OPRM1: variants seen among roughly 807,000 people sequenced by gnomAD.
OPRM1 encodes the protein mu-type opioid receptor.
Under a neutral mutation model 31.8 loss-of-function variants are expected in OPRM1, and 27 were observed. The ratio of observed to expected loss-of-function variants is 0.85; its 90% CI spans 0.63 to 1.17. The LOEUF (loss-of-function observed/expected upper bound fraction) is 1.17. OPRM1 is among the 50% of genes most tolerant of loss of function. The pLI is 0.00. For synonymous variants in OPRM1, 196 were observed against 189.9 expected, an observed-to-expected ratio of 1.03 and a Z score of -0.26; for missense variants, 536 against 511.1, an observed-to-expected ratio of 1.05 and a Z score of -0.47.
At chr6:154,105,388 G>A (rs955634946) in intron 3 of OPRM1, among the ~76,000 whole-genome samples, 9 of 152,208 alleles carry the variant, frequency 5.9e-5, no homozygotes, top group Admixed American at 5.9e-4. Context: ...ACTGAATTTA[G>A]TTAACTCCTG....
intron 3 of OPRM1, among the ~76,000 whole-genome samples, chr6:154,138,757 C>T (rs1798125425): frequency 6.6e-6 from 1 of 152,222 alleles, no homozygotes; most frequent in Non-Finnish European, 1.5e-5. Flanking sequence ...CTCCTTCTTG[C>T]CTGGGTACTA....
At chr6:154,205,369 T>A (rs1364396117) in intron 3 of OPRM1, among the ~76,000 whole-genome samples, 1 of 151,996 alleles carries the variant, frequency 6.6e-6, no homozygotes, top group Non-Finnish European at 1.5e-5. Context: ...CCAAAACAGG[T>A]GGATCACTTG....
chr6:154,164,729 G>A (rs1186002468), intron 3 of OPRM1, among the ~76,000 whole-genome samples: 1 of 152,202 alleles, frequency 6.6e-6, no homozygotes, highest in African/African-American at 2.4e-5. Context: ...CACCGCTCTT[G>A]TGACATAGGT....
chr6:154,037,559 G>GA (rs1206735944), upstream of OPRM1, among the ~76,000 whole-genome samples: 13 of 152,130 alleles, frequency 8.5e-5, no homozygotes, highest in African/African-American at 3.1e-4. Context: ...AAAGGACTCA[G>GA]AACTACATCT....
At chr6:154,167,942 C>T (rs1799568935) in intron 3 of OPRM1, 2 of 1,597,174 alleles carry the variant, frequency 1.3e-6, no homozygotes, top group African/African-American at 1.3e-5. Flanking sequence ...ATTCAATGTT[C>T]GGATTTTGTG....
chr6:154,115,159 G>A (rs1401510287), intron 3 of OPRM1, among the ~76,000 whole-genome samples: 1 of 152,178 alleles, frequency 6.6e-6, no homozygotes, highest in Non-Finnish European at 1.5e-5. Context: ...GTAATTAAAT[G>A]TGTGGTCCTT....
chr6:154,110,820 G>A (rs1296088959), intron 3 of OPRM1, among the ~76,000 whole-genome samples: 6 of 147,110 alleles, frequency 4.1e-5, no homozygotes, highest in Non-Finnish European at 8.9e-5. Flanking sequence ...CCGTGAGGCG[G>A]AGCTTGCAGT....
Position 154,091,234 on chromosome 6 carries a change from CA to C in OPRM1, c.928del (p.Ile310SerfsTer17). On this transcript the variant is annotated frameshift_variant, in exon 3 of 4. Transcript: ENST00000330432. LOFTEE classifies it high-confidence loss of function. ...TACGTCATCATTAAAGCCTTGGTTA[CA>C]ATCCCAGAAACTACGTTCCAGACTG... ...HIYVIIKALVTIPETTFQTVS... is the reference protein window; with the variant it reads ...HIYVIIKALVXIPETTFQTVS... The C allele has an allele frequency of 3.1e-6, 5 of 1,614,190 alleles. No homozygotes were observed. Among genetic ancestry groups the C allele is most frequent in the Non-Finnish European group, 4.2e-6 (5 of 1,180,038 alleles).
intron 3 of OPRM1, among the ~76,000 whole-genome samples, chr6:154,151,456 CATT>C (rs1443375166): frequency 6.6e-6 from 1 of 152,198 alleles, no homozygotes; most frequent in Admixed American, 6.5e-5. Context: ...AGCTGTCAGT[CATT>C]GTTGTGGCCG....
chr6:154,222,579 G>C (rs1044123314), intron 3 of OPRM1, among the ~76,000 whole-genome samples: 1 of 152,180 alleles, frequency 6.6e-6, no homozygotes. Context: ...CAGCCAGCCC[G>C]CTCATGAGAT....
Position 154,123,607 on chromosome 6 carries a change from T to C in OPRM1, c.*4886T>C, listed in dbSNP as rs1797419320. Among the ~76,000 whole-genome samples, 2 of 152,190 alleles carry C rather than the reference T, an allele frequency of 1.3e-5. No individual in the cohort carries two copies. Among genetic ancestry groups the C allele is most frequent in the South Asian group, 4.1e-4 (2 of 4,832 alleles). On this transcript the variant is annotated 3_prime_UTR_variant, in exon 4 of 4. Coordinates refer to ENST00000330432, the MANE Select transcript of OPRM1 (RefSeq NM_000914.5). ...AAGGGCTGCTGGTTGGCTATTTTTGTGGTTATTTCTTGATTATATGCTAAA... is the reference window on the plus strand; with the variant it reads ...AAGGGCTGCTGGTTGGCTATTTTTGCGGTTATTTCTTGATTATATGCTAAA...
chr6:154,151,146 C>A (rs1798488741), intron 3 of OPRM1, among the ~76,000 whole-genome samples: 1 of 152,254 alleles, frequency 6.6e-6, no homozygotes, highest in African/African-American at 2.4e-5. Context: ...GCGCCCATCT[C>A]TCTAATTCCA....
At chr6:154,097,127 C>T (rs1793527351) in intron 3 of OPRM1, among the ~76,000 whole-genome samples, 2 of 152,132 alleles carry the variant, frequency 1.3e-5, no homozygotes, top group East Asian at 1.9e-4. Flanking sequence ...CATATCTACC[C>T]GTGGGTCTTA....
intron 3 of OPRM1, among the ~76,000 whole-genome samples, chr6:154,197,471 TGA>T (rs1776707705): frequency 6.6e-6 from 1 of 152,118 alleles, no homozygotes; most frequent in African/African-American, 2.4e-5. Context: ...AACAAATCAA[TGA>T]GAGAAAAAAA....
At chr6:154,161,964 A>AC (rs1457248676) in intron 3 of OPRM1, among the ~76,000 whole-genome samples, 1 of 151,518 alleles carries the variant, frequency 6.6e-6, no homozygotes, top group Non-Finnish European at 1.5e-5. Flanking sequence ...CTCATCTCAA[A>AC]CCCCCTCTCT....
intron 3 of OPRM1, among the ~76,000 whole-genome samples, chr6:154,147,697 A>G (rs1798394415): frequency 6.6e-6 from 1 of 152,190 alleles, no homozygotes; most frequent in Non-Finnish European, 1.5e-5. Context: ...TTTCAGTGCC[A>G]CTGATCTCCT....
chr6:154,034,272 C>T (rs1779167765), upstream of OPRM1, among the ~76,000 whole-genome samples: 2 of 152,198 alleles, frequency 1.3e-5, no homozygotes, highest in African/African-American at 4.8e-5. Flanking sequence ...AGGCCGGGCG[C>T]GGTGGCTCAC....
chr6:154,191,243 G>C (rs973887589), intron 3 of OPRM1, among the ~76,000 whole-genome samples: 10 of 152,142 alleles, frequency 6.6e-5, no homozygotes, highest in African/African-American at 2.2e-4. Context: ...CTGGGAGAAG[G>C]GTAGAAGGAT....
intron 3 of OPRM1, among the ~76,000 whole-genome samples, chr6:154,151,504 C>T (rs1407456078): frequency 6.6e-6 from 1 of 152,122 alleles, no homozygotes; most frequent in Non-Finnish European, 1.5e-5. Context: ...ACCTCCTGAC[C>T]TGAGTGGCTT....
Sources: gnomAD v4.1 joint callset for allele counts (sites outside exome capture counted in the v4.1 genomes callset) on GRCh38, gnomAD v4.1.1 for gene constraint, MANE v1.5 for transcripts, NCBI Gene and HGNC (gene_info 2026-07-23, HGNC 2026-07-21) for gene names.